SEMA3D: variants seen among roughly 807,000 people sequenced by gnomAD.
The protein encoded by SEMA3D is semaphorin 3D.
Under a neutral mutation model 100.1 loss-of-function variants are expected in SEMA3D, and 84 were observed. That is an observed-to-expected ratio of 0.84 (90% confidence interval 0.70 to 1.01). The LOEUF (loss-of-function observed/expected upper bound fraction) is 1.01. SEMA3D is among the 50% of genes least tolerant of loss of function. The pLI is 0.00. For synonymous variants in SEMA3D, 312 were observed against 320.7 expected, an observed-to-expected ratio of 0.97 and a Z score of 0.29; for missense variants, 875 against 934.1, an observed-to-expected ratio of 0.94 and a Z score of 0.82.
At chr7:85,146,678 A>G (rs1790215320) in intron 2 of SEMA3D, among the ~76,000 whole-genome samples, 1 of 152,140 alleles carries the variant, frequency 6.6e-6, no homozygotes, top group African/African-American at 2.4e-5. Context: ...AGCAGGTATC[A>G]CAGATAAAAG....
intron 2 of SEMA3D, 87 bp from the exon 3 acceptor site, chr7:85,122,018 T>C: frequency 1.6e-6 from 1 of 637,066 alleles, no homozygotes. Context: ...CATCTCACTC[T>C]TAAGTGGGAG....
intron 6 of SEMA3D, 67 bp downstream of exon 6, chr7:85,072,895 T>C: frequency 1.5e-6 from 2 of 1,318,526 alleles, no homozygotes; most frequent in Non-Finnish European, 2.1e-6. Flanking sequence ...GCCTGTTTTA[T>C]GTCATAGGAA....
chr7:85,143,666 T>C (rs930948695), intron 2 of SEMA3D, among the ~76,000 whole-genome samples: 1 of 152,082 alleles, frequency 6.6e-6, no homozygotes, highest in Non-Finnish European at 1.5e-5. Context: ...TATAGTAATA[T>C]AATCCAGTTG....
intron 5 of SEMA3D, among the ~76,000 whole-genome samples, 193 bp downstream of exon 5, chr7:85,081,324 A>C (rs1179768099): frequency 6.6e-6 from 1 of 152,182 alleles, no homozygotes; most frequent in East Asian, 1.9e-4. Context: ...ACATTTCTTA[A>C]ATTTTATAAA....
intron 2 of SEMA3D, among the ~76,000 whole-genome samples, chr7:85,128,190 C>A (rs976877491): frequency 1.3e-5 from 2 of 151,364 alleles, no homozygotes; most frequent in African/African-American, 2.4e-5. Flanking sequence ...ATTTTTGAGG[C>A]AGAGTCTCAC....
At chr7:85,140,371 G>C in intron 2 of SEMA3D, 1 of 978,800 alleles carries the variant, frequency 1.0e-6, no homozygotes, top group Non-Finnish European at 1.2e-6. Context: ...CCAGCCAGTA[G>C]ATGTTGGTAA....
chr7:85,235,934 A>C, the SEMA3D span, among the ~76,000 whole-genome samples: 1 of 152,192 alleles, frequency 6.6e-6, no homozygotes, highest in Non-Finnish European at 1.5e-5. Flanking sequence ...CTAAGCTTAA[A>C]AATAACAATT....
chr7:85,092,238 T>A (rs568269261), intron 4 of SEMA3D, among the ~76,000 whole-genome samples: 1 of 152,192 alleles, frequency 6.6e-6, no homozygotes, highest in African/African-American at 2.4e-5. Flanking sequence ...ATCTGTCTCA[T>A]TATTTTGGAC....
intron 16 of SEMA3D, 108 bp downstream of exon 16, chr7:85,014,951 T>C: frequency 1.4e-6 from 1 of 740,686 alleles, no homozygotes; most frequent in Non-Finnish European, 2.1e-6. Flanking sequence ...CCATAGGACA[T>C]GTTAGTAATA....
chr7:85,197,973 C>T, the SEMA3D span, among the ~76,000 whole-genome samples: 1 of 152,158 alleles, frequency 6.6e-6, no homozygotes, highest in Non-Finnish European at 1.5e-5. Flanking sequence ...ATGTACATGT[C>T]TTTAAGAAAA....
At chr7:85,176,756 ATG>A (rs576728141) in intron 1 of SEMA3D, among the ~76,000 whole-genome samples, 15 of 146,958 alleles carry the variant, frequency 1.0e-4, no homozygotes, top group Admixed American at 4.8e-4. Context: ...ACATGTATAT[ATG>A]TGTGTGTGTG....
At chr7:85,167,525 G>A (rs939192103) in intron 1 of SEMA3D, 1 of 278,164 alleles carries the variant, frequency 3.6e-6, no homozygotes, top group African/African-American at 2.3e-5. Flanking sequence ...TTAATTTATT[G>A]TTATAAATAC....
chr7:85,112,813 CTGTT>C (rs889373114), intron 3 of SEMA3D, among the ~76,000 whole-genome samples: 3 of 152,158 alleles, frequency 2.0e-5, no homozygotes, highest in Non-Finnish European at 4.4e-5. Flanking sequence ...TGATATTCAC[CTGTT>C]TGTTTGCTTC....
chr7:85,160,563 C>T (rs1472232529), intron 1 of SEMA3D, among the ~76,000 whole-genome samples: 2 of 152,060 alleles, frequency 1.3e-5, no homozygotes, highest in Non-Finnish European at 2.9e-5. Flanking sequence ...CACGCATCAT[C>T]ATTCTAATGA....
chr7:85,027,984 G>T, intron 12 of SEMA3D: 1 of 572,956 alleles, frequency 1.7e-6, no homozygotes, highest in South Asian at 1.5e-5. Flanking sequence ...ATTGATTAGT[G>T]ATACTCCAAA....
At chr7:85,057,798 G>A (rs1791363573) in intron 8 of SEMA3D, among the ~76,000 whole-genome samples, 1 of 152,090 alleles carries the variant, frequency 6.6e-6, no homozygotes, top group African/African-American at 2.4e-5. Context: ...GGGCATGGTG[G>A]TGCACATCTG....
chr7:85,141,186 T>C, intron 2 of SEMA3D: 12 of 983,644 alleles, frequency 1.2e-5, no homozygotes, highest in Non-Finnish European at 1.4e-5. Flanking sequence ...AGCACTATCA[T>C]TTTTAATATA....
chr7:85,004,082 C>A (rs1789728776), intron 18 of SEMA3D, among the ~76,000 whole-genome samples: 1 of 151,688 alleles, frequency 6.6e-6, no homozygotes, highest in Non-Finnish European at 1.5e-5. Context: ...AGTGAGAGAA[C>A]ACCTGGAATA....
chr7:85,055,875 G>T lies in SEMA3D; in HGVS notation c.719-16C>A, dbSNP rs1450372982. 6.9e-7 allele frequency: 1 copy of T among 1,459,328 alleles called. No individual in the cohort carries two copies. The highest frequency in any genetic ancestry group is 1.2e-5 in the South Asian group (1 of 81,748). The allele number at this position is 1,459,328 out of a possible 1,614,324, so 90.4% of individuals were successfully genotyped here. On this transcript the variant is annotated splice_polypyrimidine_tract_variant and intron_variant, in intron 8 of 18. Transcript: ENST00000284136. ...AATTTTGCTCCTGTTTGAAAGAAAA[G>T]AAGCTATAAATTAAGATACTGAAAC...
Sources: allele counts gnomAD v4.1 joint callset (sites outside exome capture counted in the v4.1 genomes callset), GRCh38; gene constraint gnomAD v4.1.1; transcripts MANE v1.5; gene names NCBI Gene and HGNC (gene_info 2026-07-23, HGNC 2026-07-21).